The following ATP2B2 variants were observed in gnomAD, a reference collection of about 807,000 sequenced individuals.
The protein encoded by ATP2B2 is ATPase plasma membrane Ca2+ transporting 2.
Under a neutral mutation model 120.0 loss-of-function variants are expected in ATP2B2, and 15 were observed. The ratio of observed to expected loss-of-function variants is 0.12; its 90% CI spans 0.08 to 0.19. The LOEUF (loss-of-function observed/expected upper bound fraction) is 0.19, where lower values mean the gene tolerates loss of function less well. ATP2B2 is among the 10% of genes least tolerant of loss of function. The probability of loss-of-function intolerance (pLI) is 1.00; values close to 1 mark genes in which losing one functional copy is unlikely to be tolerated. For missense variants in ATP2B2, 1,045 were observed against 1,719.8 expected, an observed-to-expected ratio of 0.61 and a Z score of 6.94; for synonymous variants, 694 against 700.3, an observed-to-expected ratio of 0.99 and a Z score of 0.14.
In ATP2B2 at chr3:10,372,946, T is replaced by A. The variant is rs568429742; in HGVS notation, c.1417-895A>T. Among the ~76,000 whole-genome samples the A allele has an allele frequency of 9.8e-5, 15 of 152,348 alleles. No homozygotes were observed. In the South Asian group the frequency reaches 3.1e-3, roughly 32 times the overall value. On this transcript the variant is annotated intron_variant, in intron 11 of 22. Transcript: ENST00000360273. The stretch of plus-strand genomic sequence containing the variant: ...ATCAGATGGAGTTCTAGGCTGTGCC[T>A]AGGAATTTGATTTCCTTTATTTTTG...
intron 1 of ATP2B2, among the ~76,000 whole-genome samples, chr3:10,503,569 C>T (rs965148900): frequency 2.6e-5 from 4 of 152,262 alleles, no homozygotes; most frequent in African/African-American, 9.6e-5. Context: ...CACAGAGCCA[C>T]CTTGCCTCCT....
chr3:10,624,540 CTCAA>C (rs1376580898), intron 1 of ATP2B2, among the ~76,000 whole-genome samples: 7 of 152,280 alleles, frequency 4.6e-5, no homozygotes, highest in Non-Finnish European at 8.8e-5. Context: ...TCACTGTGTG[CTCAA>C]TCAATGTTTT....
chr3:10,595,009 T>G (rs1236575374), intron 2 of ATP2B2, among the ~76,000 whole-genome samples: 1 of 152,236 alleles, frequency 6.6e-6, no homozygotes, highest in Admixed American at 6.5e-5. Context: ...CGAAGACCAA[T>G]GCAATCGGAG....
chr3:10,691,658 C>T (rs990905516), intron 1 of ATP2B2, among the ~76,000 whole-genome samples: 1 of 152,254 alleles, frequency 6.6e-6, no homozygotes, highest in African/African-American at 2.4e-5. Context: ...AAACAAACTG[C>T]TGCTTTTCAG....
chr3:10,515,180 C>T (rs775917592), intron 3 of ATP2B2, among the ~76,000 whole-genome samples: 5 of 152,144 alleles, frequency 3.3e-5, no homozygotes, highest in Non-Finnish European at 5.9e-5. Flanking sequence ...AGTCACTTGG[C>T]CAATGTGAAC....
intron 22 of ATP2B2, among the ~76,000 whole-genome samples, chr3:10,332,828 A>C (rs1403713954): frequency 6.6e-6 from 1 of 152,070 alleles, no homozygotes; most frequent in African/African-American, 2.4e-5. Context: ...CTCCCCTCCC[A>C]CAATTCAGTG....
chr3:10,659,619 G>A (rs1241310099), intron 1 of ATP2B2, among the ~76,000 whole-genome samples: 1 of 152,144 alleles, frequency 6.6e-6, no homozygotes, highest in East Asian at 1.9e-4. Context: ...CCTACAAAGA[G>A]ACTTAGACTC....
At position 10,662,181 on chromosome 3, in the gene ATP2B2, T is replaced by C. The variant is rs141762987; in HGVS notation, c.-459-42220A>G. Among the ~76,000 whole-genome samples, 572 of 152,110 alleles carry C rather than the reference T, an allele frequency of 3.8e-3. 3 individuals carry two copies. The highest frequency in any genetic ancestry group is 0.013 in the African/African-American group (550 of 41,474). The stretch of plus-strand genomic sequence containing the variant: ...AACCTAGGCAGTACCATTCAGGACA[T>C]AGGCATAGGCATGTCTAAAATACCA... On this transcript the variant is annotated intron_variant, in intron 1 of 21. Transcript: ENST00000646379.
chr3:10,366,365 T>TG (rs2061058064), intron 12 of ATP2B2, among the ~76,000 whole-genome samples: 1 of 152,126 alleles, frequency 6.6e-6, no homozygotes, highest in Non-Finnish European at 1.5e-5. Context: ...CCATGTAGAA[T>TG]GGGGTGTACT....
chr3:10,548,850 G>A (rs1010314700), intron 2 of ATP2B2, among the ~76,000 whole-genome samples: 1 of 152,188 alleles, frequency 6.6e-6, no homozygotes, highest in Non-Finnish European at 1.5e-5. Context: ...CTTTCCCAGC[G>A]TAACATGGAA....
At chr3:10,473,206 T>A (rs2065078678) in intron 1 of ATP2B2, among the ~76,000 whole-genome samples, 1 of 152,242 alleles carries the variant, frequency 6.6e-6, no homozygotes, top group Non-Finnish European at 1.5e-5. Flanking sequence ...CCCAATCTCC[T>A]ACTTCTAGGT....
intron 2 of ATP2B2, among the ~76,000 whole-genome samples, chr3:10,613,901 C>T (rs933818697): frequency 8.6e-5 from 13 of 152,042 alleles, no homozygotes; most frequent in African/African-American, 3.1e-4. Context: ...CCTGTGCTGT[C>T]CTTTGTCTTC....
At chr3:10,446,039 A>G (rs1272182849) in intron 2 of ATP2B2, among the ~76,000 whole-genome samples, 1 of 152,222 alleles carries the variant, frequency 6.6e-6, no homozygotes, top group African/African-American at 2.4e-5. Flanking sequence ...TGCTTGGCTC[A>G]GGTCTGAGCA....
intron 3 of ATP2B2, among the ~76,000 whole-genome samples, chr3:10,405,547 A>G (rs2062380883): frequency 6.6e-6 from 1 of 152,032 alleles, no homozygotes; most frequent in Non-Finnish European, 1.5e-5. Flanking sequence ...AGGGGAGGGA[A>G]GAGGGGAGTG....
chr3:10,516,974 G>C (rs891191387), intron 3 of ATP2B2, among the ~76,000 whole-genome samples: 9 of 152,136 alleles, frequency 5.9e-5, no homozygotes, highest in Non-Finnish European at 1.2e-4. Context: ...GTGTGTGTGT[G>C]TGTGTGTGTG....
chr3:10,618,511 A>G (rs1314461095), intron 2 of ATP2B2, among the ~76,000 whole-genome samples: 1 of 152,220 alleles, frequency 6.6e-6, no homozygotes, highest in Non-Finnish European at 1.5e-5. Context: ...TCAAGTCCAC[A>G]TTATTTTCAG....
chr3:10,605,122 T>C (rs2069027477), intron 2 of ATP2B2, among the ~76,000 whole-genome samples: 1 of 152,090 alleles, frequency 6.6e-6, no homozygotes, highest in African/African-American at 2.4e-5. Flanking sequence ...GCCACTAGAG[T>C]ATGAGCCCAC....
chr3:10,645,296 C>A (rs762842264), intron 1 of ATP2B2, among the ~76,000 whole-genome samples: 13 of 152,084 alleles, frequency 8.5e-5, no homozygotes, highest in Non-Finnish European at 1.9e-4. Flanking sequence ...TGGGAGAAAG[C>A]TTTGAAGGAC....
At chr3:10,595,433 A>C (rs963475057) in intron 2 of ATP2B2, among the ~76,000 whole-genome samples, 1 of 152,212 alleles carries the variant, frequency 6.6e-6, no homozygotes, top group South Asian at 2.1e-4. Flanking sequence ...GCTCCATCCC[A>C]CCAGTTTATA....
Sources: allele counts gnomAD v4.1 joint callset (sites outside exome capture counted in the v4.1 genomes callset), GRCh38; gene constraint gnomAD v4.1.1; transcripts MANE v1.5; gene names NCBI Gene and HGNC (gene_info 2026-07-23, HGNC 2026-07-21).